RUBCN: variants seen among roughly 807,000 people sequenced by gnomAD.
RUBCN encodes rubicon autophagy regulator.
In RUBCN, 74 loss-of-function variants were observed where a neutral mutation model predicts 113.2. That is an observed-to-expected ratio of 0.65 (90% confidence interval 0.54 to 0.79). The LOEUF (loss-of-function observed/expected upper bound fraction) is 0.79, where lower values mean the gene tolerates loss of function less well. Among genes scored for constraint, RUBCN ranks in the 30% least tolerant of loss-of-function variants. The pLI is 0.00. For synonymous variants in RUBCN, 480 were observed against 490.0 expected (o/e 0.98, Z 0.27); for missense variants, 1,109 against 1,251.7 (o/e 0.89, Z 1.72).
chr3:197,724,590 A>G (rs1726535621), intron 1 of RUBCN, among the ~76,000 whole-genome samples: 1 of 152,218 alleles, frequency 6.6e-6, no homozygotes, highest in South Asian at 2.1e-4. Flanking sequence ...CATGGATCAC[A>G]GCTGAAAGTC....
In RUBCN at chr3:197,690,067, GTCTT is replaced by G. The variant is rs1439876581; in HGVS notation, c.1786+3644_1786+3647del. Among the ~76,000 whole-genome samples the G allele has an allele frequency of 3.9e-5, 6 of 152,248 alleles. No homozygotes were observed. In the East Asian group the frequency reaches 1.2e-3, roughly 29 times the overall value. Reference sequence around the variant, plus strand: ...GAACACGGGAGCTCCTGTAATATTTGTCTTTATTTCTCTAAATCTTGATCTAATC... The same window carrying G: ...GAACACGGGAGCTCCTGTAATATTTGTATTTCTCTAAATCTTGATCTAATC... On this transcript the variant is annotated intron_variant, in intron 11 of 19. Coordinates refer to ENST00000296343, the MANE Select transcript of RUBCN (RefSeq NM_014687.4).
chr3:197,737,253 C>T (rs1234399591), upstream of RUBCN: 1 of 154,518 alleles, frequency 6.5e-6, no homozygotes, highest in Non-Finnish European at 1.4e-5. Context: ...TAGGCAATAA[C>T]GCTAATCTAA....
Position 197,689,121 on chromosome 3 carries a change from G to C in RUBCN, c.1786+4594C>G, listed in dbSNP as rs1042761498. Among the ~76,000 whole-genome samples, 7 of 151,334 alleles carry C rather than the reference G, an allele frequency of 4.6e-5. No individual in the cohort carries two copies. In the East Asian group the frequency reaches 9.7e-4, roughly 21 times the overall value. ...GCTCACTGTAGCCTCAACCTCCCCA[G>C]ATCAAGCAATCCTCCCACCTCAGCC... is the stretch of plus-strand genomic sequence containing the variant. On this transcript the variant is annotated intron_variant, in intron 11 of 19. Transcript: ENST00000296343.
In RUBCN at chr3:197,700,970, G is replaced by A. The variant is rs749420563; in HGVS notation, c.904C>T (p.Pro302Ser). ...CTGCTGACCCAGGATGCCTCTATGG[G>A]GCTGGTCAGAGTACTGGAGCTCATT... ...NEMSSSTLTS[P>S]IEASWVSSQN... The change falls in exon 7 of 20, where the codon CCC becomes TCC. Residue 302 changes from proline (P) to serine (S), a missense_variant. Pro to Ser is a moderately conservative substitution (Grantham distance 74, BLOSUM62 -1). This residue lies in a region of RUBCN where 736 missense variants were observed against 779.6 expected (regional missense o/e 0.94). Coordinates refer to ENST00000296343, the MANE Select transcript of RUBCN (RefSeq NM_014687.4). 8 of 1,614,202 alleles carry A rather than the reference G, an allele frequency of 5.0e-6. No homozygotes were observed. In the South Asian group the frequency reaches 8.8e-5, roughly 18 times the overall value.
chr3:197,719,883 G>C (rs1160216670), intron 1 of RUBCN, among the ~76,000 whole-genome samples: 1 of 152,194 alleles, frequency 6.6e-6, no homozygotes, highest in African/African-American at 2.4e-5. Context: ...TCGCAACAAA[G>C]TAATTAGCAT....
rs573064824 is a variant in RUBCN at position 197,687,172 on chromosome 3, C to T, written c.1787-2955G>A. Among the ~76,000 whole-genome samples the T allele has an allele frequency of 1.1e-4, 17 of 152,226 alleles. No homozygotes were observed. In the South Asian group the frequency reaches 3.3e-3, roughly 30 times the overall value. On this transcript the variant is annotated intron_variant, in intron 11 of 19. Transcript: ENST00000296343. ...TTCTAGAAGATAAGGTGATACCCAA[C>T]GTATCTGGGAATCCAACTTCAACAC...
chr3:197,705,595 TA>T lies in RUBCN; in HGVS notation c.220-421del, dbSNP rs1158333616. On this transcript the variant is annotated intron_variant, in intron 2 of 19. Transcript: ENST00000296343. ...AAAAAAAAAAAAAAAGAAAAGGAATTAAAAAAAAAAAAGGAATACTACACTT... is the reference window on the plus strand; with the variant it reads ...AAAAAAAAAAAAAAAGAAAAGGAATTAAAAAAAAAAAGGAATACTACACTT... 1.7e-3 allele frequency among the ~76,000 whole-genome samples: 241 copies of T among 138,306 alleles called. 2 individuals carry two copies. Among genetic ancestry groups the T allele is most frequent in the African/African-American group, 2.7e-3 (101 of 37,682 alleles). 90.7% of individuals were successfully genotyped at this position (138,306 alleles called of 152,430 possible). A position where few individuals can be genotyped will look rare whatever the true frequency, so the allele number is the denominator to read the frequency against.
At chr3:197,699,586 C>T (rs1034802012) in intron 7 of RUBCN, among the ~76,000 whole-genome samples, 2 of 152,174 alleles carry the variant, frequency 1.3e-5, no homozygotes, top group Non-Finnish European at 2.9e-5. Context: ...CCAGCCCAGT[C>T]ATCTTCACAT....
rs199553812 is a variant in RUBCN at position 197,700,876 on chromosome 3, C to T, written c.998G>A (p.Arg333Gln). Residue 333 changes from arginine to glutamine, a missense_variant, in exon 7 of 20, where the codon CGA becomes CAA. By Grantham distance (43) the Arg-to-Gln change is conservative (BLOSUM62 1). Around this residue, in one of 3 missense-constraint regions of RUBCN, gnomAD observed 736 missense variants for 779.6 expected, o/e 0.94. Coordinates refer to ENST00000296343, the MANE Select transcript of RUBCN (RefSeq NM_014687.4). ...ACTCTGACAGCTGGCAGTCCGGCCT[C>T]GGGGGTCCAAGTTGCCAATGGCCAG... ...EYLAIGNLDPRGRTASCQSHS... is the reference protein window; with the variant it reads ...EYLAIGNLDPQGRTASCQSHS... 26 of 1,614,082 alleles carry T rather than the reference C, an allele frequency of 1.6e-5. No homozygotes were observed. The Admixed American group carries it at 1.8e-4, about 11-fold the overall frequency.
chr3:197,699,775 T>C (rs933731588), intron 7 of RUBCN, among the ~76,000 whole-genome samples: 1 of 152,204 alleles, frequency 6.6e-6, no homozygotes, highest in Non-Finnish European at 1.5e-5. Context: ...CAACGCTATC[T>C]CCAGTTGCTA....
chr3:197,736,680 C>A lies in RUBCN; in HGVS notation c.40G>T (p.Glu14Ter). 1 of 1,532,372 alleles carries A rather than the reference C, an allele frequency of 6.5e-7. No homozygotes were observed. Among genetic ancestry groups the A allele is most frequent in the South Asian group, 1.2e-5 (1 of 83,890 alleles). The allele number at this position is 1,532,372 out of a possible 1,614,324, so 94.9% of individuals were successfully genotyped here. ...CTGCTCTCCTCAGGCAGGCGCTCCT[C>A]GCCGCCTCCGAGCTCCATTCCCGCG... ...EGAGMELGGG[E>*]ERLPEESRRE... Residue 14 changes from glutamate to a stop codon, truncating the protein, a stop_gained, in exon 1 of 20, where the codon GAG (glutamate) becomes TAG (stop). Transcript: ENST00000296343. LOFTEE classifies it high-confidence loss of function.
In RUBCN at chr3:197,681,966, G is replaced by A; in HGVS notation, c.2127-67C>T. ...CGTGAGACCTTGGAGGTGTGAAGGA[G>A]TGAGCACACATACATACAGCTCCAG... On this transcript the variant is annotated intron_variant, in intron 14 of 19. Coordinates refer to ENST00000296343, the MANE Select transcript of RUBCN (RefSeq NM_014687.4). The surrounding 1 kb of genome is among the most constrained non-coding windows in gnomAD (Gnocchi z 5.5). The A allele has an allele frequency of 1.7e-6, 2 of 1,196,616 alleles. No homozygotes were observed. Among genetic ancestry groups the A allele is most frequent in the Non-Finnish European group, 2.5e-6 (2 of 801,214 alleles). 74.1% of individuals were successfully genotyped at this position (1,196,616 alleles called of 1,614,324 possible). A position where few individuals can be genotyped will look rare whatever the true frequency, so the allele number is the denominator to read the frequency against.
In RUBCN at chr3:197,704,743, A is replaced by G. The variant is rs751997448; in HGVS notation, c.304-42T>C. 3 of 1,599,068 alleles carry G rather than the reference A, an allele frequency of 1.9e-6. No homozygotes were observed. The South Asian group carries it at 3.3e-5, about 18-fold the overall frequency. On this transcript the variant is annotated intron_variant, in intron 3 of 19. Coordinates refer to ENST00000296343, the MANE Select transcript of RUBCN (RefSeq NM_014687.4). ...CATGAGTCAAAACACACATCCTGGT[A>G]GATACGGCAAGATTGAGGCCTAATG...
intron 6 of RUBCN, 28 bp from the exon 7 acceptor site, chr3:197,701,174 G>A (rs576401696): frequency 1.3e-6 from 2 of 1,498,004 alleles, no homozygotes; most frequent in African/African-American, 1.4e-5. Context: ...ATGGTAAGGG[G>A]AGCAAGGGTG....
chr3:197,697,263 G>A (rs950853093), intron 7 of RUBCN, among the ~76,000 whole-genome samples: 1 of 152,132 alleles, frequency 6.6e-6, no homozygotes, highest in Non-Finnish European at 1.5e-5. Context: ...AAGAAGAAAC[G>A]TGATCCAGAA....
chr3:197,697,338 C>T (rs1344438760), intron 7 of RUBCN, among the ~76,000 whole-genome samples: 2 of 152,222 alleles, frequency 1.3e-5, no homozygotes, highest in Non-Finnish European at 2.9e-5. Flanking sequence ...TCTTTCCTTA[C>T]ATCTTTTAAC....
At chr3:197,689,106 G>C (rs932694539) in intron 11 of RUBCN, among the ~76,000 whole-genome samples, 9 of 150,972 alleles carry the variant, frequency 6.0e-5, no homozygotes, top group African/African-American at 2.2e-4. Flanking sequence ...GCTCACTGTA[G>C]CCTCAACCTC....
At chr3:197,699,076 A>G in intron 7 of RUBCN, 8 of 778,948 alleles carry the variant, frequency 1.0e-5, no homozygotes, top group South Asian at 1.0e-4. Flanking sequence ...AAGCATCACA[A>G]CAAGACCAGG....
Position 197,675,035 on chromosome 3 carries a change from C to A in RUBCN, c.2902G>T (p.Val968Phe). The A allele has an allele frequency of 6.2e-7, 1 of 1,612,528 alleles. No individual in the cohort carries two copies. Among genetic ancestry groups the A allele is most frequent in the Non-Finnish European group, 8.5e-7 (1 of 1,179,876 alleles). ...TGCTTTCTTCAGGTGGCCTCCAGGA[C>A]GGCGGCTTCCAGGGCCAGCGCTTCC... The part of the protein sequence containing the change: ...PAEALALEAA[V>F]LEAT Residue 968 changes from valine (V) to phenylalanine (F), a missense_variant, in exon 20 of 20, where the codon GTC (valine) becomes TTC (phenylalanine). Around this residue, in one of 3 missense-constraint regions of RUBCN, gnomAD observed 306 missense variants for 348.9 expected, o/e 0.88. Transcript: ENST00000296343. This position sits in a 1 kb window ranked among gnomAD's most constrained non-coding sequence, Gnocchi z 4.4.
Sources: gnomAD v4.1 joint callset for allele counts (sites outside exome capture counted in the v4.1 genomes callset) on GRCh38, gnomAD v4.1.1 for gene constraint, gnomAD v4.1.1 regional missense constraint, Gnocchi (gnomAD v3.1) non-coding constraint, MANE v1.5 for transcripts, NCBI Gene and HGNC (gene_info 2026-07-23, HGNC 2026-07-21) for gene names.